PRKN: variants seen among roughly 807,000 people sequenced by gnomAD.
The protein encoded by PRKN is parkin RBR E3 ubiquitin protein ligase.
In PRKN, 56 loss-of-function variants were observed where a neutral mutation model predicts 59.5. The observed-to-expected ratio is 0.94, with a 90% CI of 0.76 to 1.18. The LOEUF (loss-of-function observed/expected upper bound fraction) is 1.18, where lower values mean the gene tolerates loss of function less well. PRKN is among the 50% of genes most tolerant of loss of function. The pLI is 0.00. For missense variants in PRKN, 657 were observed against 596.4 expected, an observed-to-expected ratio of 1.10 and a Z score of -1.06; for synonymous variants, 250 against 222.1, an observed-to-expected ratio of 1.13 and a Z score of -1.12.
At chr6:162,539,063 A>G (rs980331973) in intron 1 of PRKN, among the ~76,000 whole-genome samples, 4 of 152,198 alleles carry the variant, frequency 2.6e-5, no homozygotes, top group African/African-American at 7.2e-5. Context: ...CCTTAATTCT[A>G]AACAGGAGCA....
chr6:162,222,180 C>T (rs568380678), intron 3 of PRKN, among the ~76,000 whole-genome samples: 2 of 152,218 alleles, frequency 1.3e-5, no homozygotes, highest in African/African-American at 4.8e-5. Context: ...GTAACCCTCT[C>T]GCCTTGAGTG....
At position 161,545,322 on chromosome 6, in the gene PRKN, C is replaced by T. The variant is rs1779758518; in HGVS notation, c.1083+3532G>A. ...ATGACGTCTAGGGCTTTTTCCACATCTGGAACTCTGTAATTCTTCTATAGC... is the reference window on the plus strand; with the variant it reads ...ATGACGTCTAGGGCTTTTTCCACATTTGGAACTCTGTAATTCTTCTATAGC... On this transcript the variant is annotated intron_variant, in intron 9 of 11. Transcript: ENST00000366898. The surrounding 1 kb of genome is among the most constrained non-coding windows in gnomAD (Gnocchi z 4.1). 7 of 1,585,140 alleles carry T rather than the reference C, an allele frequency of 4.4e-6. No homozygotes were observed. The highest frequency in any genetic ancestry group is 6.0e-6 in the Non-Finnish European group (7 of 1,165,126).
At chr6:161,845,623 A>C (rs188722162) in intron 6 of PRKN, among the ~76,000 whole-genome samples, 5 of 152,266 alleles carry the variant, frequency 3.3e-5, no homozygotes, top group Middle Eastern at 3.4e-3. Flanking sequence ...GAAAATGAAG[A>C]CCCTAGGATT....
Position 161,566,218 on chromosome 6 carries a change from G to A in PRKN, c.933+3137C>T, listed in dbSNP as rs1394193445. Among the ~76,000 whole-genome samples the A allele has an allele frequency of 6.6e-6, 1 of 152,086 alleles. No individual in the cohort carries two copies. The highest frequency in any genetic ancestry group is 2.4e-5 in the African/African-American group (1 of 41,420). On this transcript the variant is annotated intron_variant, in intron 8 of 11. Coordinates refer to ENST00000366898, the MANE Select transcript of PRKN (RefSeq NM_004562.3). The surrounding 1 kb of genome is among the most constrained non-coding windows in gnomAD (Gnocchi z 4.1). ...CACCTCTCACATGAATCCATTCGAGGCAGGCTTTCCCCTCACTGCCCATGG... is the reference window on the plus strand; with the variant it reads ...CACCTCTCACATGAATCCATTCGAGACAGGCTTTCCCCTCACTGCCCATGG...
At chr6:162,397,145 G>A (rs1787516467) in intron 2 of PRKN, among the ~76,000 whole-genome samples, 1 of 152,124 alleles carries the variant, frequency 6.6e-6, no homozygotes, top group Non-Finnish European at 1.5e-5. Context: ...AGCTTATGGT[G>A]CCTTTCTGTC....
intron 4 of PRKN, among the ~76,000 whole-genome samples, chr6:162,069,388 G>A (rs1350041192): frequency 6.6e-6 from 1 of 152,122 alleles, no homozygotes; most frequent in Non-Finnish European, 1.5e-5. Flanking sequence ...TTTGTTCCCA[G>A]ACTCAGGTAT....
At chr6:161,804,900 G>A (rs1431682339) in intron 6 of PRKN, among the ~76,000 whole-genome samples, 1 of 152,162 alleles carries the variant, frequency 6.6e-6, no homozygotes, top group African/African-American at 2.4e-5. Flanking sequence ...TATGTAAATA[G>A]GTCTTCTTGA....
intron 6 of PRKN, among the ~76,000 whole-genome samples, chr6:161,917,593 C>G (rs1338902030): frequency 6.6e-6 from 1 of 152,072 alleles, no homozygotes; most frequent in Non-Finnish European, 1.5e-5. Context: ...ATTATATGGC[C>G]AAGTGAATAG....
chr6:162,492,956 C>CAAAAA (rs34716532), intron 1 of PRKN, among the ~76,000 whole-genome samples: 14 of 110,338 alleles, frequency 1.3e-4, no homozygotes, highest in Admixed American at 2.0e-4. Context: ...TTGTCTCAAA[C>CAAAAA]AAAAAAAAAA....
In PRKN at chr6:161,440,662, A is replaced by G. The variant is rs937515519; in HGVS notation, c.1084-53785T>C. On this transcript the variant is annotated intron_variant, in intron 9 of 11. Coordinates refer to ENST00000366898, the MANE Select transcript of PRKN (RefSeq NM_004562.3). The surrounding 1 kb of genome is among the most constrained non-coding windows in gnomAD (Gnocchi z 4.1). The stretch of plus-strand genomic sequence containing the variant: ...AGGTGAGGCAGTAAAAATTCATAAC[A>G]TATCTATCACAAATGCATTCTGAGA... Among the ~76,000 whole-genome samples, 1 of 152,166 alleles carries G rather than the reference A, an allele frequency of 6.6e-6. No individual in the cohort carries two copies. Among genetic ancestry groups the G allele is most frequent in the Admixed American group, 6.5e-5 (1 of 15,278 alleles).
intron 4 of PRKN, among the ~76,000 whole-genome samples, chr6:162,057,136 T>C (rs1777900137): frequency 6.6e-6 from 1 of 152,124 alleles, no homozygotes; most frequent in African/African-American, 2.4e-5. Flanking sequence ...CCCAGGCACA[T>C]AGGAGGGTCG....
intron 6 of PRKN, among the ~76,000 whole-genome samples, chr6:161,789,635 A>G (rs1790560360): frequency 6.6e-6 from 1 of 152,238 alleles, no homozygotes; most frequent in Non-Finnish European, 1.5e-5. Flanking sequence ...TTATTTAAAA[A>G]GTTCATCTGT....
At chr6:162,373,844 G>A (rs929606880) in intron 2 of PRKN, among the ~76,000 whole-genome samples, 9 of 152,222 alleles carry the variant, frequency 5.9e-5, no homozygotes, top group Admixed American at 2.0e-4. Flanking sequence ...CCTCAAACTA[G>A]AATAGGTTTA....
intron 4 of PRKN, among the ~76,000 whole-genome samples, chr6:162,173,229 G>C (rs1217474797): frequency 6.6e-6 from 1 of 152,136 alleles, no homozygotes; most frequent in Non-Finnish European, 1.5e-5. Flanking sequence ...CTAGTGGCCT[G>C]TACACTGGTC....
chr6:161,709,658 T>C (rs1192207615), intron 7 of PRKN, among the ~76,000 whole-genome samples: 2 of 152,222 alleles, frequency 1.3e-5, no homozygotes, highest in South Asian at 4.1e-4. Context: ...GAGCAGAGAC[T>C]GTTAAAAGCC....
At chr6:161,822,908 T>A (rs1792092121) in intron 6 of PRKN, among the ~76,000 whole-genome samples, 1 of 152,206 alleles carries the variant, frequency 6.6e-6, no homozygotes, top group African/African-American at 2.4e-5. Flanking sequence ...TTTACTTATA[T>A]CCTTGCCAAT....
At chr6:162,222,381 T>C (rs1173175798) in intron 3 of PRKN, among the ~76,000 whole-genome samples, 1 of 152,086 alleles carries the variant, frequency 6.6e-6, no homozygotes, top group African/African-American at 2.4e-5. Context: ...CCAGATCTTG[T>C]GGAAACGAAG....
chr6:162,078,631 T>A (rs1778930119), intron 4 of PRKN, among the ~76,000 whole-genome samples: 1 of 152,082 alleles, frequency 6.6e-6, no homozygotes, highest in Non-Finnish European at 1.5e-5. Context: ...TGGGCAATTT[T>A]GCAGGGCCTC....
At chr6:161,951,563 G>A (rs890989046) in intron 6 of PRKN, among the ~76,000 whole-genome samples, 1 of 152,134 alleles carries the variant, frequency 6.6e-6, no homozygotes, top group Non-Finnish European at 1.5e-5. Context: ...ACCTTAAAAA[G>A]AAAGATCACT....
Sources: gnomAD v4.1 joint callset for allele counts (sites outside exome capture counted in the v4.1 genomes callset) on GRCh38, gnomAD v4.1.1 for gene constraint, Gnocchi (gnomAD v3.1) non-coding constraint, MANE v1.5 for transcripts, NCBI Gene and HGNC (gene_info 2026-07-23, HGNC 2026-07-21) for gene names.